Variants in DAAM1 observed in about 807,000 individuals in gnomAD.
DAAM1 encodes dishevelled associated activator of morphogenesis 1.
In DAAM1, 52 loss-of-function variants were observed where a neutral mutation model predicts 130.0. That is an observed-to-expected ratio of 0.40 (90% CI 0.32 to 0.50). The LOEUF (loss-of-function observed/expected upper bound fraction) is 0.50. Ranked by LOEUF, DAAM1 falls within the 20% of genes least tolerant of loss-of-function variation. DAAM1 has a pLI of 0.61. For missense variants in DAAM1, 1,134 were observed against 1,303.8 expected (o/e 0.87, Z 2.01); for synonymous variants, 452 against 444.5 (o/e 1.02, Z -0.21).
chr14:59,369,753 T>TAAAAAAA lies in DAAM1; in HGVS notation c.*912_*918dup, dbSNP rs72238797. On this transcript the variant is annotated 3_prime_UTR_variant, in exon 25 of 25. Transcript: ENST00000360909. ...AATTCTCTGAAGGGATAAAGATTAC[T>TAAAAAAA]AAAAAAAAAAAAAAAAAAAAAAAAT... 2.4e-4 allele frequency: 23 copies of TAAAAAAA among 95,584 alleles called. No homozygotes were observed. Among genetic ancestry groups the TAAAAAAA allele is most frequent in the African/African-American group, 7.1e-4 (17 of 23,882 alleles). The allele number at this position is 95,584 out of a possible 1,614,324, so 5.9% of individuals were successfully genotyped here.
At chr14:59,249,962 A>G (rs17095947) in intron 1 of DAAM1, among the ~76,000 whole-genome samples, 3,170 of 152,326 alleles carry the variant, frequency 0.021, 66 homozygotes, top group Non-Finnish European at 0.027. Context: ...ATTTGATTGC[A>G]TCTTTAAAAT....
intron 19 of DAAM1, 145 bp downstream of exon 19, chr14:59,354,109 G>C: frequency 1.3e-6 from 1 of 748,610 alleles, no homozygotes; most frequent in Non-Finnish European, 2.2e-6. Context: ...TGCCCAGGCT[G>C]GAGTGCAGTA....
intron 1 of DAAM1, among the ~76,000 whole-genome samples, chr14:59,255,332 G>A (rs1881828567): frequency 1.3e-5 from 2 of 152,114 alleles, no homozygotes; most frequent in South Asian, 2.1e-4. Flanking sequence ...AACCTGCGGG[G>A]AACACACAAT....
At chr14:59,366,942 A>G (rs887196745) in intron 23 of DAAM1, among the ~76,000 whole-genome samples, 4 of 151,382 alleles carry the variant, frequency 2.6e-5, no homozygotes, top group Non-Finnish European at 4.4e-5. Flanking sequence ...AACTAATAAC[A>G]TATGCATTCC....
At position 59,370,885 on chromosome 14, in the gene DAAM1, A is replaced by G. The variant is rs958426738; in HGVS notation, c.*2026A>G. 6.6e-6 allele frequency: 1 copy of G among 152,172 alleles called. No individual in the cohort carries two copies. Among genetic ancestry groups the G allele is most frequent in the African/African-American group, 2.4e-5 (1 of 41,464 alleles). The allele number at this position is 152,172 out of a possible 1,614,324, so 9.4% of individuals were successfully genotyped here. On this transcript the variant is annotated 3_prime_UTR_variant, in exon 25 of 25. Transcript: ENST00000360909. The stretch of plus-strand genomic sequence containing the variant: ...TGGTCTGGCTCAGTTTTGGAACTGT[A>G]TTTTGAAAATGGCTTTGTCTTACAG...
chr14:59,345,850 T>G (rs1026021362), intron 16 of DAAM1, among the ~76,000 whole-genome samples: 6 of 152,176 alleles, frequency 3.9e-5, no homozygotes, highest in African/African-American at 1.2e-4. Flanking sequence ...GCCTCATGGG[T>G]GTCATACACA....
intron 1 of DAAM1, among the ~76,000 whole-genome samples, chr14:59,201,184 A>AAAAC: frequency 7.0e-6 from 1 of 143,790 alleles, no homozygotes; most frequent in Admixed American, 7.0e-5. Context: ...AAAAAAAAAA[A>AAAAC]TCCTCAGGTG....
At chr14:59,219,787 T>G (rs554943914) in intron 1 of DAAM1, among the ~76,000 whole-genome samples, 6 of 152,334 alleles carry the variant, frequency 3.9e-5, no homozygotes, top group African/African-American at 1.2e-4. Flanking sequence ...CTTTCCTTAT[T>G]TCTTGTCTTC....
chr14:59,272,855 T>C (rs765067188), intron 2 of DAAM1, among the ~76,000 whole-genome samples: 2 of 152,154 alleles, frequency 1.3e-5, no homozygotes, highest in Non-Finnish European at 2.9e-5. Flanking sequence ...TGTGAACTGC[T>C]GCCAAGATAC....
chr14:59,361,629 G>A (rs1486611890), intron 22 of DAAM1, among the ~76,000 whole-genome samples: 1 of 152,220 alleles, frequency 6.6e-6, no homozygotes, highest in Non-Finnish European at 1.5e-5. Context: ...AGTCAGGCTG[G>A]CAGACTGGAC....
chr14:59,239,265 A>G (rs1566662917), intron 1 of DAAM1, among the ~76,000 whole-genome samples: 1 of 152,224 alleles, frequency 6.6e-6, no homozygotes, highest in Non-Finnish European at 1.5e-5. Context: ...TATATAAAAT[A>G]AGTAATCCAA....
chr14:59,207,709 G>A (rs1888306716), intron 1 of DAAM1, among the ~76,000 whole-genome samples: 1 of 152,124 alleles, frequency 6.6e-6, no homozygotes, highest in African/African-American at 2.4e-5. Context: ...GGCTCTCCAG[G>A]ACTCCTCAGA....
intron 2 of DAAM1, among the ~76,000 whole-genome samples, chr14:59,288,294 G>T (rs921322135): frequency 1.3e-5 from 2 of 152,162 alleles, no homozygotes; most frequent in African/African-American, 4.8e-5. Flanking sequence ...AGACTTAACT[G>T]TAAGACCTAA....
chr14:59,303,538 T>G (rs907273043), intron 3 of DAAM1, among the ~76,000 whole-genome samples: 3 of 152,130 alleles, frequency 2.0e-5, no homozygotes, highest in Non-Finnish European at 4.4e-5. Flanking sequence ...GATTGCTAGC[T>G]CTGAACAATT....
At chr14:59,290,100 A>C (rs1436524711) in intron 2 of DAAM1, among the ~76,000 whole-genome samples, 1 of 152,154 alleles carries the variant, frequency 6.6e-6, no homozygotes, top group Non-Finnish European at 1.5e-5. Context: ...CTATGTAACA[A>C]ACCTGCACAT....
At chr14:59,364,375 T>G (rs111264923) in intron 23 of DAAM1, among the ~76,000 whole-genome samples, 8 of 152,282 alleles carry the variant, frequency 5.3e-5, no homozygotes, top group Non-Finnish European at 1.2e-4. Flanking sequence ...ATTTCTGCTA[T>G]TTCACATTTT....
chr14:59,336,594 T>A (rs141355023), intron 15 of DAAM1, among the ~76,000 whole-genome samples: 1 of 152,238 alleles, frequency 6.6e-6, no homozygotes, highest in Non-Finnish European at 1.5e-5. Context: ...GTGGAATCTT[T>A]AGGGTAATAA....
At chr14:59,189,963 G>T (rs994323923) in intron 1 of DAAM1, among the ~76,000 whole-genome samples, 9 of 152,110 alleles carry the variant, frequency 5.9e-5, no homozygotes, top group Non-Finnish European at 1.0e-4. Context: ...CGTTTTGCTG[G>T]TAGTTTCTTG....
At chr14:59,298,508 C>CT (rs1369662703) in intron 3 of DAAM1, among the ~76,000 whole-genome samples, 1 of 152,224 alleles carries the variant, frequency 6.6e-6, no homozygotes, top group Non-Finnish European at 1.5e-5. Flanking sequence ...CAGAAACCCA[C>CT]TGAGGGCATG....
Sources: gnomAD v4.1 joint callset for allele counts (sites outside exome capture counted in the v4.1 genomes callset) on GRCh38, gnomAD v4.1.1 for gene constraint, MANE v1.5 for transcripts, NCBI Gene and HGNC (gene_info 2026-07-23, HGNC 2026-07-21) for gene names.